Variants in TRPS1 observed in about 807,000 individuals in gnomAD.
The protein encoded by TRPS1 is transcriptional repressor GATA binding 1.
A neutral mutation model predicts 101.2 loss-of-function variants in TRPS1; 6 were observed. That is an observed-to-expected ratio of 0.06 (90% CI 0.03 to 0.12). The LOEUF is 0.12. Ranked by LOEUF, TRPS1 falls within the 10% of genes least tolerant of loss-of-function variation. The probability of loss-of-function intolerance (pLI) is 1.00; values close to 1 mark genes in which losing one functional copy is unlikely to be tolerated. For missense variants in TRPS1, 1,363 were observed against 1,567.0 expected (o/e 0.87, Z 2.20); for synonymous variants, 578 against 589.8 (o/e 0.98, Z 0.29).
At chr8:115,433,406 T>A (rs1459910823) in intron 5 of TRPS1, among the ~76,000 whole-genome samples, 2 of 152,118 alleles carry the variant, frequency 1.3e-5, no homozygotes, top group Admixed American at 6.6e-5. Flanking sequence ...TATCTTTAGA[T>A]AAATAGATAA....
rs925168612 is a variant in TRPS1 at position 115,533,447 on chromosome 8, T to A, written c.2700+53554A>T. ...CCCACATGTAATCTGTTTTTTTTTT[T>A]TTTTTTTTTTTTCCTGAAAAAAATC... is the stretch of plus-strand genomic sequence containing the variant. On this transcript the variant is annotated intron_variant, in intron 5 of 6. Transcript: ENST00000395715. Among the ~76,000 whole-genome samples, 52 of 131,506 alleles carry A rather than the reference T, an allele frequency of 4.0e-4. 3 individuals carry two copies. Among genetic ancestry groups the A allele is most frequent in the African/African-American group, 1.5e-3 (49 of 32,564 alleles). 86.3% of individuals were successfully genotyped at this position (131,506 alleles called of 152,430 possible).
chr8:115,536,698 A>T (rs946133872), intron 5 of TRPS1, among the ~76,000 whole-genome samples: 1 of 151,752 alleles, frequency 6.6e-6, no homozygotes, highest in African/African-American at 2.4e-5. Context: ...GTTCACTATC[A>T]TCATCCCAGT....
At position 115,602,173 on chromosome 8, in the gene TRPS1, G is replaced by A. The variant is rs571372652; in HGVS notation, c.2096+1700C>T. On this transcript the variant is annotated intron_variant, in intron 4 of 6. Coordinates refer to ENST00000395715, the MANE Select transcript of TRPS1 (RefSeq NM_014112.5). ...CGTGTGTGTGTGTGTGCGCACATACGTGGGTGTGCAGGTCCAAGATGTGTG... is the reference window on the plus strand; with the variant it reads ...CGTGTGTGTGTGTGTGCGCACATACATGGGTGTGCAGGTCCAAGATGTGTG... 4.6e-5 allele frequency among the ~76,000 whole-genome samples: 7 copies of A among 152,168 alleles called. No homozygotes were observed. In the East Asian group the frequency reaches 7.7e-4, roughly 17 times the overall value.
chr8:115,524,026 G>A (rs1815932510), intron 5 of TRPS1, among the ~76,000 whole-genome samples: 1 of 152,092 alleles, frequency 6.6e-6, no homozygotes, highest in Non-Finnish European at 1.5e-5. Flanking sequence ...AAACTCCAGA[G>A]TCCAGAAAAT....
chr8:115,458,242 T>C (rs1396454674), intron 5 of TRPS1, among the ~76,000 whole-genome samples: 1 of 152,130 alleles, frequency 6.6e-6, no homozygotes, highest in Non-Finnish European at 1.5e-5. Context: ...GTTCCCAAAA[T>C]AGAGGCACCA....
intron 5 of TRPS1, among the ~76,000 whole-genome samples, chr8:115,487,257 A>G: frequency 1.4e-5 from 1 of 70,674 alleles, no homozygotes; most frequent in African/African-American, 3.3e-5. Flanking sequence ...TACTTCTCAG[A>G]AAAAAAAAAA....
chr8:115,518,621 A>G (rs1383738875), intron 5 of TRPS1, among the ~76,000 whole-genome samples: 1 of 151,838 alleles, frequency 6.6e-6, no homozygotes, highest in African/African-American at 2.4e-5. Flanking sequence ...AAATTTGACA[A>G]GCTTTCAGTT....
intron 1 of TRPS1, among the ~76,000 whole-genome samples, chr8:115,650,382 A>G (rs1811531963): frequency 6.6e-6 from 1 of 152,214 alleles, no homozygotes; most frequent in African/African-American, 2.4e-5. Context: ...TGCAAGTCCT[A>G]CAAGTAATGA....
At chr8:115,521,690 A>C (rs907242072) in intron 5 of TRPS1, among the ~76,000 whole-genome samples, 15 of 151,968 alleles carry the variant, frequency 9.9e-5, no homozygotes, top group African/African-American at 3.6e-4. Flanking sequence ...GTATTTAAAA[A>C]ATTTAAATGT....
At position 115,413,276 on chromosome 8, in the gene TRPS1, T is replaced by A. The variant is rs376319733; in HGVS notation, c.*747A>T. 1.1e-4 allele frequency: 17 copies of A among 152,542 alleles called. 1 individual carries two copies. The highest frequency in any genetic ancestry group is 4.6e-4 in the Admixed American group (7 of 15,278). The allele number at this position is 152,542 out of a possible 1,614,324, so 9.4% of individuals were successfully genotyped here. On this transcript the variant is annotated 3_prime_UTR_variant, in exon 7 of 7. Coordinates refer to ENST00000395715, the MANE Select transcript of TRPS1 (RefSeq NM_014112.5). Reference sequence around the variant, plus strand: ...CGAGGACATTGTTTTTTAAAATGGGTACATGTGTGGACAAAATGAATCTAA... The same window carrying A: ...CGAGGACATTGTTTTTTAAAATGGGAACATGTGTGGACAAAATGAATCTAA...
chr8:115,540,542 A>C (rs995311279), intron 5 of TRPS1, among the ~76,000 whole-genome samples: 6 of 152,138 alleles, frequency 3.9e-5, no homozygotes, highest in African/African-American at 1.4e-4. Flanking sequence ...TGCAGAATTC[A>C]TCTTATCAGT....
intron 5 of TRPS1, among the ~76,000 whole-genome samples, chr8:115,499,974 T>C (rs1183735953): frequency 6.7e-6 from 1 of 150,228 alleles, no homozygotes; most frequent in Non-Finnish European, 1.5e-5. Flanking sequence ...TTTTCTTTTC[T>C]TTTCTTTTCT....
At chr8:115,479,975 G>C (rs1394814091) in intron 5 of TRPS1, among the ~76,000 whole-genome samples, 1 of 152,120 alleles carries the variant, frequency 6.6e-6, no homozygotes, top group African/African-American at 2.4e-5. Flanking sequence ...ATGAAGCAGA[G>C]GCGAGGCACA....
In TRPS1 at chr8:115,605,085, C is replaced by T. The variant is rs908222219; in HGVS notation, c.967-83G>A. On this transcript the variant is annotated intron_variant, in intron 3 of 6. Coordinates refer to ENST00000395715, the MANE Select transcript of TRPS1 (RefSeq NM_014112.5). ...CTGCAGGGGAGGGGGAGGGTACTGC[C>T]AAGTATTCCACATCAAAAAATACAA... 4.2e-5 allele frequency: 54 copies of T among 1,283,170 alleles called. 1 individual carries two copies. The highest frequency in any genetic ancestry group is 2.1e-4 in the Admixed American group (12 of 57,938). The allele number at this position is 1,283,170 out of a possible 1,614,324, so 79.5% of individuals were successfully genotyped here.
chr8:115,559,160 A>C (rs544319343), intron 5 of TRPS1, among the ~76,000 whole-genome samples: 1 of 152,276 alleles, frequency 6.6e-6, no homozygotes, highest in Non-Finnish European at 1.5e-5. Flanking sequence ...AATCCTATGA[A>C]GATGTCTTCT....
intron 4 of TRPS1, among the ~76,000 whole-genome samples, chr8:115,594,427 C>T (rs1176454140): frequency 2.0e-5 from 3 of 151,962 alleles, no homozygotes; most frequent in Non-Finnish European, 4.4e-5. Flanking sequence ...GTGAATGCTG[C>T]ATAAAATATT....
intron 5 of TRPS1, among the ~76,000 whole-genome samples, chr8:115,543,327 T>C (rs1347438977): frequency 6.6e-6 from 1 of 152,220 alleles, no homozygotes; most frequent in African/African-American, 2.4e-5. Context: ...TATTGGGTTA[T>C]GTATTACACA....
At chr8:115,597,527 T>C (rs997787468) in intron 4 of TRPS1, among the ~76,000 whole-genome samples, 1 of 152,156 alleles carries the variant, frequency 6.6e-6, no homozygotes. Flanking sequence ...TTCAAAAGCA[T>C]GTACATTCTC....
chr8:115,494,551 C>T (rs1383123957), intron 5 of TRPS1, among the ~76,000 whole-genome samples: 1 of 152,168 alleles, frequency 6.6e-6, no homozygotes, highest in Non-Finnish European at 1.5e-5. Flanking sequence ...TCAAAGTTGA[C>T]AAATTTATTT....
Sources: gnomAD v4.1 joint callset for allele counts (sites outside exome capture counted in the v4.1 genomes callset) on GRCh38, gnomAD v4.1.1 for gene constraint, MANE v1.5 for transcripts, NCBI Gene and HGNC (gene_info 2026-07-23, HGNC 2026-07-21) for gene names.